Variants in GRM7 observed in about 807,000 individuals in gnomAD.
The protein encoded by GRM7 is glutamate metabotropic receptor 7.
Under a neutral mutation model 84.5 loss-of-function variants are expected in GRM7, and 35 were observed. The observed-to-expected ratio is 0.41, with a 90% CI of 0.32 to 0.55. GRM7 has a LOEUF of 0.55. Ranked by LOEUF, GRM7 falls within the 20% of genes least tolerant of loss-of-function variation. The pLI is 0.19. For synonymous variants in GRM7, 487 were observed against 455.1 expected, an observed-to-expected ratio of 1.07 and a Z score of -0.89; for missense variants, 1,003 against 1,194.6, an observed-to-expected ratio of 0.84 and a Z score of 2.36.
chr3:7,267,738 G>T (rs560559619), intron 2 of GRM7, among the ~76,000 whole-genome samples: 6 of 152,314 alleles, frequency 3.9e-5, no homozygotes, highest in African/African-American at 1.4e-4. Flanking sequence ...AATAGGGAGG[G>T]ATGAGAAAGG....
intron 8 of GRM7, among the ~76,000 whole-genome samples, chr3:7,648,633 A>G (rs1427640556): frequency 4.0e-5 from 6 of 150,552 alleles, no homozygotes; most frequent in Non-Finnish European, 1.5e-5. Context: ...TGGGTGACAG[A>G]GTGATACTCC....
At chr3:6,872,330 C>T (rs1468170446) in intron 1 of GRM7, among the ~76,000 whole-genome samples, 1 of 152,186 alleles carries the variant, frequency 6.6e-6, no homozygotes, top group African/African-American at 2.4e-5. Flanking sequence ...TCAACTGCCA[C>T]TCTCCAAGCT....
At chr3:7,002,876 G>T (rs1479321052) in intron 1 of GRM7, among the ~76,000 whole-genome samples, 1 of 151,974 alleles carries the variant, frequency 6.6e-6, no homozygotes, top group Non-Finnish European at 1.5e-5. Flanking sequence ...AGAAAATGTG[G>T]TATATTACAC....
intron 2 of GRM7, among the ~76,000 whole-genome samples, chr3:7,173,945 G>A (rs1455295666): frequency 6.6e-6 from 1 of 152,138 alleles, no homozygotes; most frequent in Non-Finnish European, 1.5e-5. Flanking sequence ...ATTAGAGTAG[G>A]AATTTTATTT....
chr3:7,299,337 T>G (rs41412146), intron 3 of GRM7, among the ~76,000 whole-genome samples: 1 of 151,992 alleles, frequency 6.6e-6, no homozygotes, highest in African/African-American at 2.4e-5. Flanking sequence ...TTCCTTGTAT[T>G]GTTGGCCAAG....
chr3:7,682,245 G>C (rs1053334890), intron 9 of GRM7: 1 of 147,030 alleles, frequency 6.8e-6, no homozygotes, highest in Admixed American at 7.0e-5. Flanking sequence ...TGAGGCAGGA[G>C]AATCGCTTGA....
chr3:7,285,665 C>A (rs573560180), intron 2 of GRM7, among the ~76,000 whole-genome samples: 1 of 151,910 alleles, frequency 6.6e-6, no homozygotes, highest in Non-Finnish European at 1.5e-5. Flanking sequence ...AGAATGTGTG[C>A]GTTCTAGGAT....
intron 8 of GRM7, among the ~76,000 whole-genome samples, chr3:7,601,468 G>A (rs1173618428): frequency 6.6e-6 from 1 of 151,960 alleles, no homozygotes; most frequent in African/African-American, 2.4e-5. Context: ...ATGAATAAAT[G>A]AAAAAAACTC....
intron 2 of GRM7, among the ~76,000 whole-genome samples, chr3:7,216,714 C>G (rs1200990363): frequency 6.6e-6 from 1 of 152,130 alleles, no homozygotes; most frequent in Non-Finnish European, 1.5e-5. Flanking sequence ...TTCTGTTACT[C>G]AAACTGACAG....
chr3:7,629,032 G>A (rs1463462319), intron 8 of GRM7, among the ~76,000 whole-genome samples: 2 of 152,168 alleles, frequency 1.3e-5, no homozygotes, highest in East Asian at 3.9e-4. Flanking sequence ...TCTAGAAAAG[G>A]CACAATAATT....
At chr3:7,369,943 C>T (rs556302186) in intron 4 of GRM7, among the ~76,000 whole-genome samples, 117 of 152,200 alleles carry the variant, frequency 7.7e-4, no homozygotes, top group African/African-American at 2.7e-3. Context: ...GAGGATCCCA[C>T]AGGTAACAGA....
chr3:7,466,327 A>T (rs1162572596), intron 7 of GRM7, among the ~76,000 whole-genome samples: 1 of 152,214 alleles, frequency 6.6e-6, no homozygotes, highest in East Asian at 1.9e-4. Flanking sequence ...AGAGACACCC[A>T]CCACAAAGTT....
At chr3:7,507,950 A>G (rs758531651) in intron 7 of GRM7, among the ~76,000 whole-genome samples, 3 of 152,138 alleles carry the variant, frequency 2.0e-5, no homozygotes, top group Admixed American at 6.6e-5. Context: ...TCTTTGGGCA[A>G]TCACTCCTCT....
chr3:7,738,465 A>AT (rs1559513938), intron 9 of GRM7, among the ~76,000 whole-genome samples: 1 of 152,074 alleles, frequency 6.6e-6, no homozygotes, highest in South Asian at 2.1e-4. Flanking sequence ...TTTATATCCA[A>AT]TTTTTTTAAA....
At chr3:7,734,292 T>A (rs1702430916) in intron 9 of GRM7, among the ~76,000 whole-genome samples, 1 of 151,858 alleles carries the variant, frequency 6.6e-6, no homozygotes, top group Non-Finnish European at 1.5e-5. Context: ...TATAAATTCA[T>A]GCTTTATCTT....
chr3:7,098,629 A>G (rs1458297644), intron 1 of GRM7, among the ~76,000 whole-genome samples: 1 of 151,956 alleles, frequency 6.6e-6, no homozygotes, highest in Non-Finnish European at 1.5e-5. Context: ...TGTCCTTAAT[A>G]TTTTATTTTA....
At chr3:7,010,331 G>T (rs1323266281) in intron 1 of GRM7, among the ~76,000 whole-genome samples, 1 of 152,202 alleles carries the variant, frequency 6.6e-6, no homozygotes, top group African/African-American at 2.4e-5. Flanking sequence ...GTGTGTGCCT[G>T]TAGTCCCAGC....
Position 7,015,525 on chromosome 3 carries a change from G to A in GRM7, c.520-130927G>A, listed in dbSNP as rs143177708. ...ACATAACAAATTAATGCAAAAATTA[G>A]CAGATTAAAATAATGAAAACATATC... On this transcript the variant is annotated intron_variant, in intron 1 of 9. Coordinates refer to ENST00000357716, the MANE Select transcript of GRM7 (RefSeq NM_000844.4). Among the ~76,000 whole-genome samples the A allele has an allele frequency of 1.6e-3, 243 of 152,286 alleles. 3 individuals carry two copies. The East Asian group carries it at 0.024, about 15-fold the overall frequency.
intron 7 of GRM7, among the ~76,000 whole-genome samples, chr3:7,501,532 G>A (rs894715579): frequency 2.0e-5 from 3 of 152,098 alleles, no homozygotes; most frequent in African/African-American, 4.8e-5. Context: ...TATTATAGAC[G>A]GACAGCTGAG....
Sources: allele counts gnomAD v4.1 joint callset (sites outside exome capture counted in the v4.1 genomes callset), GRCh38; gene constraint gnomAD v4.1.1; transcripts MANE v1.5; gene names NCBI Gene and HGNC (gene_info 2026-07-23, HGNC 2026-07-21).